Variants in PCDHA1 observed in about 807,000 individuals in gnomAD.
The protein encoded by PCDHA1 is protocadherin alpha-1.
Under a neutral mutation model 61.3 loss-of-function variants are expected in PCDHA1, and 42 were observed. The ratio of observed to expected loss-of-function variants is 0.69; its 90% CI spans 0.54 to 0.89. PCDHA1 has a LOEUF of 0.89. Ranked by LOEUF, PCDHA1 falls within the 40% of genes least tolerant of loss-of-function variation. The pLI, the probability that PCDHA1 is intolerant of heterozygous loss-of-function variation, is 0.00. For missense variants in PCDHA1, 1,256 were observed against 1,235.3 expected, an observed-to-expected ratio of 1.02 and a Z score of -0.25; for synonymous variants, 610 against 553.8, an observed-to-expected ratio of 1.10 and a Z score of -1.43.
At chr5:140,841,792 G>A in intron 1 of PCDHA1, 1 of 1,613,916 alleles carries the variant, frequency 6.2e-7, no homozygotes, top group Non-Finnish European at 8.5e-7. Flanking sequence ...TAGAGGGCGC[G>A]TCCGATGCAG....
chr5:140,882,558 G>T (rs782792864), intron 1 of PCDHA1: 16 of 1,614,130 alleles, frequency 9.9e-6, no homozygotes, highest in Non-Finnish European at 1.1e-5. Flanking sequence ...GAGCTGTGTG[G>T]GCGGAGCGCG....
chr5:140,791,010 T>C (rs564845518), intron 1 of PCDHA1, among the ~76,000 whole-genome samples: 160 of 152,328 alleles, frequency 1.1e-3, no homozygotes, highest in African/African-American at 3.8e-3. Flanking sequence ...CTTGCTCCAT[T>C]CCAAATCTTC....
intron 1 of PCDHA1, among the ~76,000 whole-genome samples, chr5:140,818,657 G>A (rs1192707521): frequency 1.3e-5 from 2 of 152,138 alleles, no homozygotes; most frequent in Non-Finnish European, 2.9e-5. Flanking sequence ...AGCAATATAG[G>A]GAGACTCCAT....
At chr5:140,853,279 A>G (rs1197350918) in intron 1 of PCDHA1, 3 of 979,360 alleles carry the variant, frequency 3.1e-6, no homozygotes, top group Non-Finnish European at 3.7e-6. Flanking sequence ...CTCTCATCAT[A>G]TGCAAATTCT....
At chr5:140,916,641 G>T (rs781877597) in intron 1 of PCDHA1, among the ~76,000 whole-genome samples, 2 of 152,150 alleles carry the variant, frequency 1.3e-5, no homozygotes, top group African/African-American at 2.4e-5. Context: ...TCCTACTGTG[G>T]CTGAGCTGGT....
rs181382577 is a variant in PCDHA1 at position 140,851,207 on chromosome 5, A to G, written c.2394+62523A>G. 3,689 of 1,174,684 alleles carry G rather than the reference A, an allele frequency of 3.1e-3. 213 individuals carry two copies. The highest frequency in any genetic ancestry group is 3.6e-3 in the Non-Finnish European group (3,326 of 916,620). The allele number at this position is 1,174,684 out of a possible 1,614,324, so 72.8% of individuals were successfully genotyped here. On this transcript the variant is annotated intron_variant, in intron 1 of 3. Transcript: ENST00000504120. The stretch of plus-strand genomic sequence containing the variant: ...CCAATTTAGTTGTTAGTCATTCATT[A>G]AACATTAACATCACTATCATTTATT...
At chr5:140,871,183 G>A (rs782647681) in intron 1 of PCDHA1, 2 of 1,613,586 alleles carry the variant, frequency 1.2e-6, no homozygotes, top group South Asian at 2.2e-5. Flanking sequence ...TGCGCTGGTG[G>A]ATGTCAACGT....
chr5:140,954,845 C>G (rs1479368081), intron 1 of PCDHA1, among the ~76,000 whole-genome samples: 2 of 152,140 alleles, frequency 1.3e-5, no homozygotes, highest in African/African-American at 2.4e-5. Flanking sequence ...AAATCTTTGC[C>G]TGTGCCTATG....
chr5:141,000,379 CTCTCTCTCTCTCTCTCTA>C (rs1224441934), intron 3 of PCDHA1, among the ~76,000 whole-genome samples: 4 of 60,364 alleles, frequency 6.6e-5, no homozygotes, highest in Non-Finnish European at 9.2e-5. Flanking sequence ...CTCTCTCTCT[CTCTCTCTCTCTCTCTCTA>C]TATATATATA....
At chr5:140,798,120 C>T (rs186634822) in intron 1 of PCDHA1, among the ~76,000 whole-genome samples, 47 of 152,282 alleles carry the variant, frequency 3.1e-4, no homozygotes, top group African/African-American at 1.0e-3. Context: ...GATCCACCCT[C>T]CTAGGCCTCC....
intron 1 of PCDHA1, chr5:140,805,647 G>GT (rs1763613640): frequency 1.2e-6 from 1 of 847,464 alleles, no homozygotes; most frequent in South Asian, 5.4e-5. Context: ...TTATTGGGAA[G>GT]TCTTCATTCC....
intron 1 of PCDHA1, chr5:140,871,406 T>C (rs1406444669): frequency 1.2e-6 from 2 of 1,614,032 alleles, no homozygotes; most frequent in Non-Finnish European, 1.7e-6. Flanking sequence ...AAGACGGACC[T>C]CATGGCCTTC....
intron 1 of PCDHA1, among the ~76,000 whole-genome samples, chr5:140,798,535 A>T (rs1401136404): frequency 6.6e-6 from 1 of 152,198 alleles, no homozygotes; most frequent in Non-Finnish European, 1.5e-5. Context: ...TTTCAGTATC[A>T]TTATCATTAG....
chr5:140,835,675 G>A (rs2150241595), intron 1 of PCDHA1: 3 of 1,613,800 alleles, frequency 1.9e-6, no homozygotes, highest in Admixed American at 1.7e-5. Context: ...CGGGACGGGG[G>A]CTCGCCTTCT....
chr5:140,834,830 C>T (rs1554134546), intron 1 of PCDHA1: 1 of 1,612,028 alleles, frequency 6.2e-7, no homozygotes, highest in East Asian at 2.2e-5. Context: ...GGCCGCTTGA[C>T]TCTCGGTTTC....
At chr5:140,890,902 G>A (rs781819787) in intron 1 of PCDHA1, among the ~76,000 whole-genome samples, 16 of 152,080 alleles carry the variant, frequency 1.1e-4, no homozygotes, top group Non-Finnish European at 1.5e-4. Context: ...GTCTTTCCAT[G>A]TTAGAATAAT....
chr5:140,788,752 A>G (rs1554118327), intron 1 of PCDHA1, 68 bp downstream of exon 1: 2 of 1,472,198 alleles, frequency 1.4e-6, no homozygotes, highest in African/African-American at 2.8e-5. Flanking sequence ...CATCTTTTCA[A>G]ATATCACTTT....
intron 1 of PCDHA1, chr5:140,823,665 C>T (rs2150128070): frequency 1.2e-6 from 2 of 1,614,048 alleles, no homozygotes; most frequent in South Asian, 1.1e-5. Context: ...CAGGCGAGAT[C>T]AGCACAACAC....
intron 1 of PCDHA1, chr5:140,801,602 G>T (rs1554121564): frequency 6.2e-7 from 1 of 1,614,204 alleles, no homozygotes. Flanking sequence ...TTTTTCCAAT[G>T]GCTGTAAAGA....
Sources: gnomAD v4.1 joint callset for allele counts (sites outside exome capture counted in the v4.1 genomes callset) on GRCh38, gnomAD v4.1.1 for gene constraint, MANE v1.5 for transcripts, NCBI Gene and HGNC (gene_info 2026-07-23, HGNC 2026-07-21) for gene names.